CES3: variants seen among roughly 807,000 people sequenced by gnomAD.
The protein encoded by CES3 is carboxylesterase 3, also known as carboxylesterase 3 (brain).
CES3 carries 49 observed loss-of-function variants against 57.6 expected under a neutral mutation model. The ratio of observed to expected loss-of-function variants is 0.85; its 90% CI spans 0.68 to 1.08. The LOEUF (loss-of-function observed/expected upper bound fraction) is 1.08, where lower values mean the gene tolerates loss of function less well. Among genes scored for constraint, CES3 ranks in the 50% least tolerant of loss-of-function variants. The pLI, the probability that CES3 is intolerant of heterozygous loss-of-function variation, is 0.00. For missense variants in CES3, 645 were observed against 742.0 expected, an observed-to-expected ratio of 0.87 and a Z score of 1.52; for synonymous variants, 266 against 281.6, an observed-to-expected ratio of 0.94 and a Z score of 0.55.
intron 7 of CES3, 93 bp downstream of exon 7, chr16:66,966,438 G>A: frequency 7.8e-7 from 1 of 1,287,340 alleles, no homozygotes; most frequent in Non-Finnish European, 1.1e-6. Context: ...CTACCCCCAG[G>A]TGGGGCTGGG....
chr16:66,961,373 C>T lies in CES3; in HGVS notation c.66C>T (p.Cys22=), dbSNP rs748217791. ...LVGVVCLLLA[C]PATATGPEVA... ...GGGTGGTCTGTCTGCTCCTGGCATG[C>T]CCTGCCACAGCCACTGGTAAGACAC... Residue 22 remains cysteine (C), a synonymous_variant, in exon 1 of 13, where the codon TGC becomes TGT. Transcript: ENST00000303334. 2 of 1,612,252 alleles carry T rather than the reference C, an allele frequency of 1.2e-6. No homozygotes were observed. The highest frequency in any genetic ancestry group is 2.2e-5 in the South Asian group (2 of 90,678).
chr16:66,962,722 C>T (rs1458080079), intron 1 of CES3, among the ~76,000 whole-genome samples: 2 of 152,166 alleles, frequency 1.3e-5, no homozygotes, highest in Non-Finnish European at 2.9e-5. Flanking sequence ...CATGATGAAA[C>T]CCCGTCTCTA....
intron 8 of CES3, chr16:66,967,532 C>T (rs966818115): frequency 4.1e-6 from 4 of 985,538 alleles, no homozygotes; most frequent in Non-Finnish European, 4.8e-6. Flanking sequence ...TATCAAGCCA[C>T]CGGGGACTTC....
chr16:66,970,086 T>C (rs1963805729), intron 9 of CES3, among the ~76,000 whole-genome samples: 1 of 149,262 alleles, frequency 6.7e-6, no homozygotes, highest in African/African-American at 2.5e-5. Flanking sequence ...TGCAACTCTG[T>C]TTTCTTTTCT....
intron 9 of CES3, among the ~76,000 whole-genome samples, chr16:66,970,108 TG>T (rs372130128): frequency 9.8e-5 from 14 of 143,008 alleles, no homozygotes; most frequent in Admixed American, 5.6e-4. Context: ...TTCTTTTCTT[TG>T]TTTTTTTTTT....
intron 6 of CES3, among the ~76,000 whole-genome samples, chr16:66,965,823 C>T (rs1028289806): frequency 6.6e-6 from 1 of 152,130 alleles, no homozygotes; most frequent in African/African-American, 2.4e-5. Flanking sequence ...GCCTGTAGTC[C>T]CAGCTACTCA....
At chr16:66,962,041 G>C (rs1963657657) in intron 1 of CES3, among the ~76,000 whole-genome samples, 1 of 152,240 alleles carries the variant, frequency 6.6e-6, no homozygotes, top group South Asian at 2.1e-4. Context: ...CCAGGAGGCA[G>C]AGGGAGCAGG....
chr16:66,973,046 C>T lies in CES3; in HGVS notation c.1713C>T (p.Leu571=). ...AGAACAGGAAGGCCCAGGAGGACCT[C>T]TGAGGCCAGGCCTGAACCTTCTTGG... ...KQKNRKAQED[L] The change falls in exon 13 of 13, where the codon CTC becomes CTT. Residue 571 remains leucine (L), a synonymous_variant. Transcript: ENST00000303334. 1 of 1,613,520 alleles carries T rather than the reference C, an allele frequency of 6.2e-7. No individual in the cohort carries two copies. The highest frequency in any genetic ancestry group is 8.5e-7 in the Non-Finnish European group (1 of 1,179,788).
chr16:66,971,036 G>A, intron 9 of CES3, 136 bp from the exon 10 acceptor site: 1 of 939,828 alleles, frequency 1.1e-6, no homozygotes, highest in Non-Finnish European at 1.5e-6. Context: ...CAGGGAGGCA[G>A]AGAGGCAGCT....
Position 66,974,989 on chromosome 16 carries a change from G to A in CES3, c.*1940G>A, listed in dbSNP as rs1409676174. On this transcript the variant is annotated 3_prime_UTR_variant, in exon 13 of 13. Transcript: ENST00000303334. ...AGCACCCTGTCAAAACAGACCACTTGACTCTCTGTAAAATGGACCAATCAG... is the reference window on the plus strand; with the variant it reads ...AGCACCCTGTCAAAACAGACCACTTAACTCTCTGTAAAATGGACCAATCAG... The A allele has an allele frequency of 6.6e-6, 1 of 152,220 alleles. No individual in the cohort carries two copies. The highest frequency in any genetic ancestry group is 1.5e-5 in the Non-Finnish European group (1 of 68,068). 9.4% of individuals were successfully genotyped at this position (152,220 alleles called of 1,614,324 possible).
chr16:66,972,947 G>A lies in CES3; in HGVS notation c.1614G>A (p.Lys538=). 1.2e-6 allele frequency: 2 copies of A among 1,614,154 alleles called. No individual in the cohort carries two copies. The highest frequency in any genetic ancestry group is 1.7e-6 in the Non-Finnish European group (2 of 1,180,030). ...EINPVPRAGQ[K]FREAWMQFWS... is the part of the protein sequence containing the mutation. ...ACCCAGTGCCACGGGCCGGACAGAA[G>A]TTCAGGGAGGCCTGGATGCAGTTCT... The change falls in exon 13 of 13, where the codon AAG becomes AAA. Residue 538 remains lysine (K), a synonymous_variant. Transcript: ENST00000303334.
At chr16:66,969,628 G>A (rs779961055) in intron 8 of CES3, 51 bp from the exon 9 acceptor site, 34 of 1,559,428 alleles carry the variant, frequency 2.2e-5, no homozygotes, top group South Asian at 3.4e-5. Context: ...GCTGGGAGTC[G>A]GGGTGAGCCG....
intron 6 of CES3, 46 bp downstream of exon 6, chr16:66,964,773 C>A (rs763800512): frequency 2.9e-5 from 44 of 1,511,910 alleles, no homozygotes; most frequent in Non-Finnish European, 3.9e-5. Context: ...CCTCCCATAC[C>A]CCACTCTGTG....
intron 7 of CES3, 93 bp downstream of exon 7, chr16:66,966,438 G>C: frequency 1.6e-6 from 2 of 1,287,320 alleles, no homozygotes; most frequent in Non-Finnish European, 2.2e-6. Context: ...CTACCCCCAG[G>C]TGGGGCTGGG....
Position 66,975,083 on chromosome 16 carries a change from CG to C in CES3, c.*2037del, listed in dbSNP as rs1362583237. The C allele has an allele frequency of 6.6e-6, 1 of 152,262 alleles. No individual in the cohort carries two copies. The highest frequency in any genetic ancestry group is 1.5e-5 in the Non-Finnish European group (1 of 68,104). 9.4% of individuals were successfully genotyped at this position (152,262 alleles called of 1,614,324 possible). On this transcript the variant is annotated 3_prime_UTR_variant, in exon 13 of 13. Transcript: ENST00000303334. ...CTGAGCCAGCAGTGACAACCCCCCTCGGGTCCCCTCCCACGCCGTGGAAGCT... is the reference window on the plus strand; with the variant it reads ...CTGAGCCAGCAGTGACAACCCCCCTCGGTCCCCTCCCACGCCGTGGAAGCT...
rs2145545728 is a variant in CES3 at position 66,974,856 on chromosome 16, T to C, written c.*1807T>C. ...CAATCCACACTCTGTATCTGGCTAC[T>C]CTGGTGGGGACTTGGAGAACCTTTG... On this transcript the variant is annotated 3_prime_UTR_variant, in exon 13 of 13. Transcript: ENST00000303334. 1 of 152,392 alleles carries C rather than the reference T, an allele frequency of 6.6e-6. No homozygotes were observed. The highest frequency in any genetic ancestry group is 1.9e-4 in the East Asian group (1 of 5,180). 9.4% of individuals were successfully genotyped at this position (152,392 alleles called of 1,614,324 possible). A position where few individuals can be genotyped will look rare whatever the true frequency, so the allele number is the denominator to read the frequency against.
intron 10 of CES3, among the ~76,000 whole-genome samples, chr16:66,971,736 C>T (rs546843734): frequency 6.6e-6 from 1 of 152,222 alleles, no homozygotes; most frequent in East Asian, 1.9e-4. Flanking sequence ...GGCAAGATAC[C>T]TACCCCCTCT....
chr16:66,972,290 T>C (rs1329114010), intron 10 of CES3, 66 bp from the exon 11 acceptor site: 8 of 1,449,254 alleles, frequency 5.5e-6, no homozygotes, highest in Non-Finnish European at 6.5e-6. Flanking sequence ...TATGAGCATG[T>C]GCTGCCAAAG....
At chr16:66,964,335 G>T in intron 4 of CES3, 22 bp from the exon 5 acceptor site, 2 of 1,611,186 alleles carry the variant, frequency 1.2e-6, no homozygotes, top group Admixed American at 1.7e-5. Flanking sequence ...TGAACTAACC[G>T]TTGCCCCAAC....
Sources: gnomAD v4.1 joint callset for allele counts (sites outside exome capture counted in the v4.1 genomes callset) on GRCh38, gnomAD v4.1.1 for gene constraint, MANE v1.5 for transcripts, NCBI Gene and HGNC (gene_info 2026-07-23, HGNC 2026-07-21) for gene names.